Variants in DNER observed in about 807,000 individuals in gnomAD.
DNER encodes delta/notch like EGF repeat containing, also known as delta and Notch-like epidermal growth factor-related receptor.
DNER carries 33 observed loss-of-function variants against 78.2 expected under a neutral mutation model. That is an observed-to-expected ratio of 0.42 (90% CI 0.32 to 0.56). DNER has a LOEUF of 0.56. Ranked by LOEUF, DNER falls within the 20% of genes least tolerant of loss-of-function variation. The pLI is 0.11. For synonymous variants in DNER, 417 were observed against 384.8 expected (o/e 1.08, Z -0.98); for missense variants, 918 against 975.3 (o/e 0.94, Z 0.78).
intron 1 of DNER, among the ~76,000 whole-genome samples, chr2:229,706,517 C>G (rs1699830296): frequency 6.6e-6 from 1 of 150,910 alleles, no homozygotes; most frequent in African/African-American, 2.4e-5. Context: ...GAGCCGAGAT[C>G]ACACCACTGC....
At chr2:229,524,748 G>A (rs1696173003) in intron 5 of DNER, among the ~76,000 whole-genome samples, 1 of 152,178 alleles carries the variant, frequency 6.6e-6, no homozygotes, top group African/African-American at 2.4e-5. Flanking sequence ...AGCTGCACCT[G>A]CACCTGGTCC....
chr2:229,387,489 A>G (rs1391639163), intron 11 of DNER, among the ~76,000 whole-genome samples: 1 of 109,494 alleles, frequency 9.1e-6, no homozygotes, highest in African/African-American at 3.3e-5. Context: ...AAGAAAAAGA[A>G]AGAAAGAAAG....
intron 1 of DNER, among the ~76,000 whole-genome samples, chr2:229,634,363 T>C (rs557719674): frequency 6.6e-6 from 1 of 152,240 alleles, no homozygotes; most frequent in South Asian, 2.1e-4. Flanking sequence ...GTGGGTGAAA[T>C]ATCCCAATAA....
chr2:229,513,036 A>C (rs1695904167), intron 5 of DNER, 100 bp from the exon 6 acceptor site: 2 of 1,304,534 alleles, frequency 1.5e-6, no homozygotes, highest in East Asian at 5.1e-5. Context: ...TCCTTTTTAT[A>C]ATCAGCAATT....
intron 1 of DNER, among the ~76,000 whole-genome samples, chr2:229,610,070 TA>T (rs1477836914): frequency 6.6e-6 from 1 of 152,238 alleles, no homozygotes; most frequent in African/African-American, 2.4e-5. Flanking sequence ...ATTTGTGTTT[TA>T]AGTTCTGTTT....
At chr2:229,552,151 C>G (rs1268059249) in intron 4 of DNER, among the ~76,000 whole-genome samples, 1 of 152,126 alleles carries the variant, frequency 6.6e-6, no homozygotes, top group Non-Finnish European at 1.5e-5. Flanking sequence ...CCTCTACCTT[C>G]TAGGGTAAAA....
chr2:229,424,238 G>T (rs1693826009), intron 8 of DNER, among the ~76,000 whole-genome samples: 1 of 152,166 alleles, frequency 6.6e-6, no homozygotes, highest in South Asian at 2.1e-4. Flanking sequence ...CCCTTTAGAT[G>T]TGTTAACTTG....
intron 4 of DNER, among the ~76,000 whole-genome samples, chr2:229,572,048 C>G (rs1168121228): frequency 6.6e-6 from 1 of 152,164 alleles, no homozygotes; most frequent in Admixed American, 6.5e-5. Context: ...TGCAGTCTGG[C>G]TCTTACATCC....
At chr2:229,649,902 A>G (rs1698781483) in intron 1 of DNER, among the ~76,000 whole-genome samples, 1 of 151,892 alleles carries the variant, frequency 6.6e-6, no homozygotes, top group South Asian at 2.1e-4. Flanking sequence ...GTGAAACCCC[A>G]TCTCTACTGA....
At chr2:229,709,403 G>A (rs924812685) in intron 1 of DNER, among the ~76,000 whole-genome samples, 2 of 152,160 alleles carry the variant, frequency 1.3e-5, no homozygotes, top group African/African-American at 4.8e-5. Flanking sequence ...AAAAGCCAGA[G>A]AAAGAAGCAA....
intron 1 of DNER, among the ~76,000 whole-genome samples, chr2:229,703,223 G>A (rs1559215098): frequency 6.6e-6 from 1 of 152,066 alleles, no homozygotes; most frequent in African/African-American, 2.4e-5. Context: ...AAAATAAAGA[G>A]TCCAGAAATA....
At position 229,388,293 on chromosome 2, in the gene DNER, A is replaced by G. The variant is rs1192718633; in HGVS notation, c.1827T>C (p.His609=). Residue 609 remains histidine (H), a synonymous_variant, in exon 11 of 13, where the codon CAT becomes CAC. Coordinates refer to ENST00000341772, the MANE Select transcript of DNER (RefSeq NM_139072.4). ...QPNGYNCHCP[H]GWVGANCEIH... is the part of the protein sequence containing the mutation. ...TCTCACAGTTTGCTCCCACCCAACC[A>G]TGCGGGCAGTGGCAGTTATAACCAT... is the stretch of plus-strand genomic sequence containing the variant. The G allele has an allele frequency of 6.2e-6, 10 of 1,610,564 alleles. No homozygotes were observed. Among genetic ancestry groups the G allele is most frequent in the East Asian group, 2.2e-5 (1 of 44,454 alleles).
chr2:229,475,686 G>C (rs183973800), intron 7 of DNER, among the ~76,000 whole-genome samples: 210 of 152,200 alleles, frequency 1.4e-3, no homozygotes, highest in African/African-American at 4.7e-3. Flanking sequence ...TAGTTCGAGG[G>C]CCATTGTTTA....
At chr2:229,373,133 G>T (rs1259876765) in intron 11 of DNER, among the ~76,000 whole-genome samples, 1 of 152,126 alleles carries the variant, frequency 6.6e-6, no homozygotes, top group Non-Finnish European at 1.5e-5. Flanking sequence ...CACAGCAAAA[G>T]AAACTATTGA....
intron 10 of DNER, among the ~76,000 whole-genome samples, chr2:229,397,463 CAAAAAAA>C (rs763572496): frequency 1.0e-5 from 1 of 96,598 alleles, no homozygotes; most frequent in African/African-American, 3.7e-5. Flanking sequence ...CCAAACACTA[CAAAAAAA>C]AAAAAAAAAC....
At chr2:229,617,661 T>G (rs1698189174) in intron 1 of DNER, among the ~76,000 whole-genome samples, 1 of 152,150 alleles carries the variant, frequency 6.6e-6, no homozygotes, top group South Asian at 2.1e-4. Context: ...GAGTCCCAGG[T>G]CAGAAATTCA....
At chr2:229,657,039 T>C (rs934413756) in intron 1 of DNER, among the ~76,000 whole-genome samples, 1 of 147,912 alleles carries the variant, frequency 6.8e-6, no homozygotes, top group African/African-American at 2.6e-5. Context: ...ATCTACCCTC[T>C]TAGCACATTT....
At chr2:229,615,681 T>C (rs540680091) in intron 1 of DNER, among the ~76,000 whole-genome samples, 15 of 152,166 alleles carry the variant, frequency 9.9e-5, no homozygotes, top group African/African-American at 3.6e-4. Context: ...CACTGCACTC[T>C]AGCCTGGGCA....
chr2:229,396,792 A>G (rs1693153841), intron 10 of DNER, among the ~76,000 whole-genome samples: 1 of 152,228 alleles, frequency 6.6e-6, no homozygotes, highest in Admixed American at 6.5e-5. Context: ...GTCTGAGCAT[A>G]GGTCACTAGC....
Sources: gnomAD v4.1 joint callset for allele counts (sites outside exome capture counted in the v4.1 genomes callset) on GRCh38, gnomAD v4.1.1 for gene constraint, MANE v1.5 for transcripts, NCBI Gene and HGNC (gene_info 2026-07-23, HGNC 2026-07-21) for gene names.